Variants in CDK8 observed in about 807,000 individuals in gnomAD.
CDK8 encodes cyclin dependent kinase 8.
Under a neutral mutation model 71.5 loss-of-function variants are expected in CDK8, and 29 were observed. That is an observed-to-expected ratio of 0.41 (90% CI 0.30 to 0.55). CDK8 has a LOEUF of 0.55. Ranked by LOEUF, CDK8 falls within the 20% of genes least tolerant of loss-of-function variation. The probability of loss-of-function intolerance (pLI) is 0.37; values close to 1 mark genes in which losing one functional copy is unlikely to be tolerated. For missense variants in CDK8, 288 were observed against 572.6 expected (o/e 0.50, Z 5.07); for synonymous variants, 161 against 192.1 (o/e 0.84, Z 1.34).
chr13:26,372,772 T>G (rs561233651), intron 4 of CDK8, among the ~76,000 whole-genome samples: 2 of 152,314 alleles, frequency 1.3e-5, no homozygotes, highest in Admixed American at 6.5e-5. Context: ...TCATCTCATC[T>G]GTAAAATTAA....
At chr13:26,274,479 T>G (rs1449662256) in intron 1 of CDK8, among the ~76,000 whole-genome samples, 1 of 151,804 alleles carries the variant, frequency 6.6e-6, no homozygotes, top group African/African-American at 2.4e-5. Flanking sequence ...TTGCCCAGGC[T>G]GGAGTGCAGT....
At chr13:26,340,904 A>G (rs185112172) in intron 2 of CDK8, among the ~76,000 whole-genome samples, 1 of 152,350 alleles carries the variant, frequency 6.6e-6, no homozygotes, top group Admixed American at 6.5e-5. Context: ...TTCTAAAAGC[A>G]AAGAGCATTG....
intron 1 of CDK8, among the ~76,000 whole-genome samples, chr13:26,336,550 C>CT (rs1227344754): frequency 0.019 from 2,295 of 121,136 alleles, 70 homozygotes; most frequent in African/African-American, 0.044. Flanking sequence ...TCTGAGGAGT[C>CT]TTTTTTTTTT....
chr13:26,376,317 T>C (rs1874948333), intron 4 of CDK8, among the ~76,000 whole-genome samples: 1 of 152,198 alleles, frequency 6.6e-6, no homozygotes, highest in African/African-American at 2.4e-5. Flanking sequence ...TTAAGATGCA[T>C]TTGGTCTCCT....
intron 6 of CDK8, among the ~76,000 whole-genome samples, chr13:26,388,700 A>G (rs1001119985): frequency 3.3e-5 from 5 of 152,206 alleles, no homozygotes; most frequent in African/African-American, 1.2e-4. Context: ...TAAGATTTAT[A>G]TAACCTTTTA....
intron 1 of CDK8, among the ~76,000 whole-genome samples, chr13:26,306,304 C>G (rs1437091958): frequency 6.6e-6 from 1 of 152,146 alleles, no homozygotes; most frequent in Non-Finnish European, 1.5e-5. Flanking sequence ...CCCTACAAGA[C>G]TATCAGAAGC....
intron 1 of CDK8, among the ~76,000 whole-genome samples, chr13:26,291,201 A>T (rs1873282946): frequency 6.6e-6 from 1 of 152,110 alleles, no homozygotes; most frequent in African/African-American, 2.4e-5. Context: ...CATGGTGTAC[A>T]GGTTTGTAGC....
intron 1 of CDK8, among the ~76,000 whole-genome samples, chr13:26,332,606 G>A (rs1351921785): frequency 5.3e-5 from 8 of 152,190 alleles, no homozygotes; most frequent in Non-Finnish European, 2.9e-5. Context: ...AGGACTTCCA[G>A]TGCTATGTTG....
chr13:26,318,413 GA>G (rs1874610919), intron 1 of CDK8, among the ~76,000 whole-genome samples: 1 of 152,192 alleles, frequency 6.6e-6, no homozygotes, highest in African/African-American at 2.4e-5. Flanking sequence ...TGAAGTGGAG[GA>G]AACACTTCCT....
intron 4 of CDK8, among the ~76,000 whole-genome samples, chr13:26,379,294 A>C (rs184929607): frequency 6.6e-6 from 1 of 152,348 alleles, no homozygotes; most frequent in Admixed American, 6.5e-5. Context: ...GTAAGGTGGA[A>C]TCTGCTTCAG....
intron 1 of CDK8, among the ~76,000 whole-genome samples, chr13:26,287,873 A>T (rs1307347364): frequency 2.0e-5 from 3 of 152,242 alleles, no homozygotes; most frequent in Non-Finnish European, 4.4e-5. Context: ...ACATGTATGT[A>T]TCAGATATTT....
intron 1 of CDK8, among the ~76,000 whole-genome samples, chr13:26,301,764 TC>T (rs1177559905): frequency 1.3e-5 from 2 of 152,182 alleles, no homozygotes; most frequent in African/African-American, 4.8e-5. Flanking sequence ...TTATTCCAAT[TC>T]CCTTCCTTGA....
At chr13:26,382,154 A>G (rs539879302) in intron 4 of CDK8, among the ~76,000 whole-genome samples, 21 of 152,296 alleles carry the variant, frequency 1.4e-4, no homozygotes, top group African/African-American at 5.1e-4. Flanking sequence ...AGTGTAGTAG[A>G]TACCACCATA....
intron 4 of CDK8, among the ~76,000 whole-genome samples, chr13:26,362,239 G>C (rs919540161): frequency 6.6e-6 from 1 of 150,968 alleles, no homozygotes; most frequent in African/African-American, 2.4e-5. Context: ...TGGATGGATG[G>C]ATGGATGGAT....
chr13:26,254,586 C>CCCCCCCCCG lies in CDK8; in HGVS notation c.-54_-53insCCCCCCGCC. On this transcript the variant is annotated 5_prime_UTR_variant, in exon 1 of 13. Transcript: ENST00000381527. The surrounding 1 kb of genome is among the most constrained non-coding windows in gnomAD (Gnocchi z 6.7). ...TGCGGCTGCCCGTGCTTCCCCGGTC[C>CCCCCCCCCG]CCACCCCTGCCCCCCGGCCCCCCGA... The CCCCCCCCCG allele has an allele frequency of 1.5e-6, 2 of 1,304,024 alleles. No individual in the cohort carries two copies. The highest frequency in any genetic ancestry group is 2.1e-6 in the Non-Finnish European group (2 of 940,680). 80.8% of individuals were successfully genotyped at this position (1,304,024 alleles called of 1,614,324 possible). A position where few individuals can be genotyped will look rare whatever the true frequency, so the allele number is the denominator to read the frequency against.
intron 1 of CDK8, among the ~76,000 whole-genome samples, chr13:26,314,071 G>A (rs1032900007): frequency 6.6e-6 from 1 of 152,140 alleles, no homozygotes; most frequent in Non-Finnish European, 1.5e-5. Context: ...CACTCCAACC[G>A]CTTTGCTAAT....
At chr13:26,292,727 A>T (rs767769173) in intron 1 of CDK8, among the ~76,000 whole-genome samples, 4 of 152,200 alleles carry the variant, frequency 2.6e-5, no homozygotes, top group Non-Finnish European at 4.4e-5. Flanking sequence ...CTTTGGCTGG[A>T]TATGGAATTC....
chr13:26,336,239 A>T (rs371629505), intron 1 of CDK8, among the ~76,000 whole-genome samples: 1 of 152,062 alleles, frequency 6.6e-6, no homozygotes, highest in Non-Finnish European at 1.5e-5. Context: ...TAAGGTCAAC[A>T]CTATTTTTGT....
intron 1 of CDK8, among the ~76,000 whole-genome samples, chr13:26,293,134 T>C (rs1593244165): frequency 6.6e-6 from 1 of 152,224 alleles, no homozygotes; most frequent in Non-Finnish European, 1.5e-5. Context: ...TTTCTTTGTT[T>C]CTCTAGATTC....
Sources: gnomAD v4.1 joint callset for allele counts (sites outside exome capture counted in the v4.1 genomes callset) on GRCh38, gnomAD v4.1.1 for gene constraint, Gnocchi (gnomAD v3.1) non-coding constraint, MANE v1.5 for transcripts, NCBI Gene and HGNC (gene_info 2026-07-23, HGNC 2026-07-21) for gene names.